Variants in PLCH1 observed in about 807,000 individuals in gnomAD.
PLCH1 encodes the protein phospholipase C eta 1.
Under a neutral mutation model 126.7 loss-of-function variants are expected in PLCH1, and 60 were observed. The observed-to-expected ratio is 0.47, with a 90% CI of 0.38 to 0.59. The LOEUF is 0.59. PLCH1 is among the 20% of genes least tolerant of loss of function. The pLI is 0.00. For synonymous variants in PLCH1, 719 were observed against 734.9 expected (o/e 0.98, Z 0.35); for missense variants, 1,723 against 2,040.0 (o/e 0.84, Z 2.99).
intron 11 of PLCH1, among the ~76,000 whole-genome samples, chr3:155,522,028 A>G (rs573377915): frequency 2.0e-5 from 3 of 152,348 alleles, no homozygotes; most frequent in Non-Finnish European, 2.9e-5. Context: ...ATTTGTTCCC[A>G]TAAGACTACA....
chr3:155,501,621 C>T (rs1231490581), intron 13 of PLCH1, among the ~76,000 whole-genome samples: 1 of 151,782 alleles, frequency 6.6e-6, no homozygotes, highest in Non-Finnish European at 1.5e-5. Flanking sequence ...ATGGTGAAAC[C>T]TCATCTCTAC....
At chr3:155,536,009 A>G (rs1485555795) in intron 10 of PLCH1, among the ~76,000 whole-genome samples, 2 of 152,184 alleles carry the variant, frequency 1.3e-5, no homozygotes, top group African/African-American at 4.8e-5. Context: ...CTCTTTGCAG[A>G]TATTCCTGAG....
chr3:155,563,447 T>G (rs1014518441), intron 8 of PLCH1, among the ~76,000 whole-genome samples: 1 of 152,106 alleles, frequency 6.6e-6, no homozygotes, highest in African/African-American at 2.4e-5. Context: ...CTCCCCTTCG[T>G]TCCTTTTATT....
chr3:155,460,770 T>C (rs1712681508), intron 21 of PLCH1, among the ~76,000 whole-genome samples: 1 of 149,940 alleles, frequency 6.7e-6, no homozygotes, highest in African/African-American at 2.5e-5. Flanking sequence ...AGATGATAGA[T>C]AGATAGATAG....
Position 155,481,818 on chromosome 3 carries a change from T to C in PLCH1, c.4208A>G (p.Glu1403Gly). ...QRGLRNGYCK[E>G]TLRPSVPEIF... ...TTCAGGGACAGAAGGGCGGAGGGTC[T>C]CTTTACAGTAGCCGTTTCTCAAACC... Residue 1403 changes from glutamate to glycine, a missense_variant, in exon 23 of 23, where the codon GAG becomes GGG. This residue lies in a region of PLCH1 where 947 missense variants were observed against 977.1 expected (regional missense o/e 0.97). Coordinates refer to ENST00000460012, the MANE Select transcript of PLCH1 (RefSeq NM_014996.4). This position sits in a 1 kb window ranked among gnomAD's most constrained non-coding sequence, Gnocchi z 4.2. 6.2e-7 allele frequency: 1 copy of C among 1,614,212 alleles called. No individual in the cohort carries two copies. Among genetic ancestry groups the C allele is most frequent in the Non-Finnish European group, 8.5e-7 (1 of 1,180,038 alleles).
chr3:155,707,273 A>G (rs1746748860), intron 1 of PLCH1, among the ~76,000 whole-genome samples: 2 of 152,212 alleles, frequency 1.3e-5, no homozygotes, highest in Non-Finnish European at 2.9e-5. Flanking sequence ...CTAAGACAAC[A>G]TGAGAATAAA....
Position 155,596,414 on chromosome 3 carries a change from C to T in PLCH1, c.80-36G>A, listed in dbSNP as rs758034873. 15 of 1,585,594 alleles carry T rather than the reference C, an allele frequency of 9.5e-6. 2 individuals carry two copies. The South Asian group carries it at 1.6e-4, about 17-fold the overall frequency. ...AATTAGAGTGTATCCAGCTATCACA[C>T]AATGCACAGGCATACTGGTGTCCAG... On this transcript the variant is annotated intron_variant, in intron 2 of 22. Coordinates refer to ENST00000460012, the MANE Select transcript of PLCH1 (RefSeq NM_014996.4).
intron 11 of PLCH1, among the ~76,000 whole-genome samples, chr3:155,519,782 A>T (rs1362441866): frequency 1.1e-4 from 7 of 61,354 alleles, no homozygotes; most frequent in Non-Finnish European, 1.7e-4. Flanking sequence ...CCTTTGCTTT[A>T]AAAAAAAAAA....
downstream of PLCH1, among the ~76,000 whole-genome samples, chr3:155,479,440 A>G (rs1283348323): frequency 6.6e-6 from 1 of 152,120 alleles, no homozygotes; most frequent in Admixed American, 6.5e-5. Flanking sequence ...TTGGGGACCA[A>G]GGGAACCAGG....
intron 2 of PLCH1, among the ~76,000 whole-genome samples, chr3:155,685,063 G>A (rs368459377): frequency 7.7e-4 from 117 of 152,288 alleles, no homozygotes; most frequent in Non-Finnish European, 1.2e-3. Context: ...GGCCTAGAAC[G>A]GACCAGAAGA....
rs139640818 is a variant in PLCH1 at position 155,553,296 on chromosome 3, T to C, written c.1190+780A>G. Among the ~76,000 whole-genome samples the C allele has an allele frequency of 6.3e-3, 955 of 152,164 alleles. 12 individuals are homozygous for C. Among genetic ancestry groups the C allele is most frequent in the African/African-American group, 0.022 (895 of 41,500 alleles). On this transcript the variant is annotated intron_variant, in intron 9 of 22. Coordinates refer to ENST00000460012, the MANE Select transcript of PLCH1 (RefSeq NM_014996.4). The stretch of plus-strand genomic sequence containing the variant: ...CATCCACCTAATACTTGTATTTTTT[T>C]AGTAGAGACAGGGCTTCGCCATGTT...
At chr3:155,550,959 C>A (rs1726029046) in intron 9 of PLCH1, among the ~76,000 whole-genome samples, 1 of 152,132 alleles carries the variant, frequency 6.6e-6, no homozygotes, top group African/African-American at 2.4e-5. Context: ...TACAGATGAG[C>A]CTTTGTGGCT....
chr3:155,578,762 C>T (rs1730294643), intron 6 of PLCH1, among the ~76,000 whole-genome samples: 1 of 152,146 alleles, frequency 6.6e-6, no homozygotes, highest in Non-Finnish European at 1.5e-5. Flanking sequence ...TACACGGTAT[C>T]CTAAAATATT....
At chr3:155,610,771 C>T (rs1369881137) in intron 2 of PLCH1, among the ~76,000 whole-genome samples, 1 of 143,142 alleles carries the variant, frequency 7.0e-6, no homozygotes, top group Admixed American at 7.0e-5. Context: ...TAAAGCATAA[C>T]TCTCACAGGG....
rs140138270 is a variant in PLCH1, at chr3:155,492,765, G to C, written c.2271C>G (p.Pro757=). The C allele has an allele frequency of 1.2e-6, 2 of 1,605,786 alleles. No homozygotes were observed. The highest frequency in any genetic ancestry group is 1.7e-6 in the Non-Finnish European group (2 of 1,176,500). The change falls in exon 18 of 23, where the codon CCC becomes CCG. Residue 757 remains proline (P), a synonymous_variant. Transcript: ENST00000460012. ...CTCCAAACATGGAGTCTGGAGGTTT[G>C]GGGAGTTGCTGTCCACTGATAACTT... ...ILKVISGQQL[P]KPPDSMFGDR...
chr3:155,506,007 G>T (rs1351667042), intron 12 of PLCH1, among the ~76,000 whole-genome samples: 2 of 151,898 alleles, frequency 1.3e-5, no homozygotes, highest in Non-Finnish European at 2.9e-5. Context: ...GAATAAAATG[G>T]GATACTTTTA....
At chr3:155,613,247 T>C (rs932128287) in intron 2 of PLCH1, among the ~76,000 whole-genome samples, 5 of 152,138 alleles carry the variant, frequency 3.3e-5, no homozygotes, top group African/African-American at 4.8e-5. Context: ...ACCAATCCTA[T>C]TGACACTATT....
intron 2 of PLCH1, among the ~76,000 whole-genome samples, chr3:155,693,018 G>A (rs385700): frequency 6.6e-6 from 1 of 151,912 alleles, no homozygotes; most frequent in Non-Finnish European, 1.5e-5. Flanking sequence ...TCCTGACCTC[G>A]TGATCTGCCC....
chr3:155,626,358 A>T (rs1326529646), intron 2 of PLCH1, among the ~76,000 whole-genome samples: 2 of 152,154 alleles, frequency 1.3e-5, no homozygotes, highest in Admixed American at 6.5e-5. Flanking sequence ...ACTATAGTCT[A>T]TACAATTTTA....
Sources: gnomAD v4.1 joint callset for allele counts (sites outside exome capture counted in the v4.1 genomes callset) on GRCh38, gnomAD v4.1.1 for gene constraint, gnomAD v4.1.1 regional missense constraint, Gnocchi (gnomAD v3.1) non-coding constraint, MANE v1.5 for transcripts, NCBI Gene and HGNC (gene_info 2026-07-23, HGNC 2026-07-21) for gene names.